The following FARP1 variants were observed in gnomAD, a reference collection of about 807,000 sequenced individuals.
FARP1 encodes FERM, ARH/RhoGEF and pleckstrin domain protein 1.
Under a neutral mutation model 128.8 loss-of-function variants are expected in FARP1, and 52 were observed. That is an observed-to-expected ratio of 0.40 (90% CI 0.32 to 0.51). The LOEUF is 0.51. FARP1 is among the 20% of genes least tolerant of loss of function. FARP1 has a pLI of 0.45. For synonymous variants in FARP1, 580 were observed against 551.8 expected (o/e 1.05, Z -0.72); for missense variants, 1,333 against 1,367.9 (o/e 0.97, Z 0.40).
At chr13:98,321,981 A>G (rs1887011060) in intron 2 of FARP1, among the ~76,000 whole-genome samples, 1 of 152,198 alleles carries the variant, frequency 6.6e-6, no homozygotes, top group African/African-American at 2.4e-5. Context: ...GAGGGTTAAA[A>G]TGGGTATTGT....
At chr13:98,323,131 G>A (rs948797150) in intron 2 of FARP1, among the ~76,000 whole-genome samples, 2 of 152,130 alleles carry the variant, frequency 1.3e-5, no homozygotes, top group African/African-American at 2.4e-5. Flanking sequence ...TTAATGATCC[G>A]TGGTGAAAGG....
At chr13:98,202,623 G>A (rs1459492667) in intron 1 of FARP1, among the ~76,000 whole-genome samples, 2 of 152,108 alleles carry the variant, frequency 1.3e-5, no homozygotes, top group East Asian at 3.9e-4. Context: ...TATGCTCTCA[G>A]TGGGGCAGGA....
intron 3 of FARP1, among the ~76,000 whole-genome samples, chr13:98,351,609 C>CT (rs1239452307): frequency 8.5e-6 from 1 of 117,614 alleles, no homozygotes. Flanking sequence ...AAGACTCCAT[C>CT]TAAAAAAAAA....
chr13:98,435,412 TC>T, intron 18 of FARP1, 163 bp from the exon 19 acceptor site: 1 of 641,138 alleles, frequency 1.6e-6, no homozygotes, highest in Non-Finnish European at 2.6e-6. Context: ...AAATACACCA[TC>T]AATTTTTATT....
intron 2 of FARP1, among the ~76,000 whole-genome samples, chr13:98,249,496 C>G (rs1369857013): frequency 1.3e-5 from 2 of 152,142 alleles, no homozygotes; most frequent in African/African-American, 2.4e-5. Flanking sequence ...AGGAATACAT[C>G]ATTAAAAAGA....
intron 2 of FARP1, chr13:98,234,342 C>T (rs1243494272): frequency 1.3e-5 from 2 of 152,208 alleles, no homozygotes; most frequent in Non-Finnish European, 2.9e-5. Flanking sequence ...AGTAAGTGGC[C>T]TGTTGGCTGA....
intron 21 of FARP1, 145 bp downstream of exon 21, chr13:98,439,341 A>G (rs1892426659): frequency 3.2e-6 from 2 of 627,888 alleles, no homozygotes; most frequent in Non-Finnish European, 5.7e-6. Flanking sequence ...ACATGGGCTC[A>G]AAGACCATCG....
At chr13:98,248,240 T>C (rs1018045298) in intron 2 of FARP1, among the ~76,000 whole-genome samples, 3 of 146,232 alleles carry the variant, frequency 2.1e-5, no homozygotes, top group East Asian at 2.1e-4. Context: ...ACCAGTTCTC[T>C]CTGAAATATT....
At chr13:98,371,053 C>T (rs1029783316) in intron 5 of FARP1, among the ~76,000 whole-genome samples, 8 of 152,022 alleles carry the variant, frequency 5.3e-5, no homozygotes, top group Admixed American at 1.3e-4. Context: ...CTGAGCTCTG[C>T]GTGCTGAAAT....
chr13:98,189,801 G>A (rs1879108789), intron 1 of FARP1, among the ~76,000 whole-genome samples: 1 of 152,154 alleles, frequency 6.6e-6, no homozygotes, highest in Non-Finnish European at 1.5e-5. Flanking sequence ...TATAGATGGT[G>A]TATTATCACA....
chr13:98,300,595 C>T (rs562400027), intron 2 of FARP1, among the ~76,000 whole-genome samples: 14 of 152,274 alleles, frequency 9.2e-5, no homozygotes, highest in African/African-American at 2.2e-4. Context: ...GCCCTCTTGC[C>T]GGTGGCTTCA....
chr13:98,401,415 A>ACACACACACACAGAC (rs71111952), intron 13 of FARP1: 4 of 130,862 alleles, frequency 3.1e-5, no homozygotes, highest in African/African-American at 1.1e-4. Flanking sequence ...ATAATGACAA[A>ACACACACACACAGAC]ACACACACAC....
At chr13:98,365,488 G>A (rs878887741) in intron 4 of FARP1, 51 bp downstream of exon 4, 3 of 1,327,346 alleles carry the variant, frequency 2.3e-6, no homozygotes, top group South Asian at 2.4e-5. Flanking sequence ...AAGCCAGACA[G>A]TTTCATGTCT....
intron 1 of FARP1, among the ~76,000 whole-genome samples, chr13:98,165,901 G>A (rs942813333): frequency 1.1e-4 from 16 of 151,716 alleles, no homozygotes; most frequent in Non-Finnish European, 1.5e-4. Context: ...TGTATTTTTA[G>A]TAGAGGTGGG....
At chr13:98,238,940 G>T (rs941713595) in intron 2 of FARP1, among the ~76,000 whole-genome samples, 1 of 152,150 alleles carries the variant, frequency 6.6e-6, no homozygotes, top group African/African-American at 2.4e-5. Flanking sequence ...TGTACTTGAG[G>T]TAGCAAAATA....
At chr13:98,367,734 A>C (rs1190722491) in intron 4 of FARP1, among the ~76,000 whole-genome samples, 1 of 152,208 alleles carries the variant, frequency 6.6e-6, no homozygotes, top group East Asian at 1.9e-4. Context: ...GTACCTTATA[A>C]ATAGTTAAAT....
intron 2 of FARP1, among the ~76,000 whole-genome samples, chr13:98,230,234 G>A (rs1417177218): frequency 6.6e-6 from 1 of 152,110 alleles, no homozygotes; most frequent in Non-Finnish European, 1.5e-5. Context: ...AAGAGGTTTT[G>A]GCATCTTTGA....
intron 2 of FARP1, among the ~76,000 whole-genome samples, chr13:98,326,087 TA>T (rs1182508517): frequency 1.9e-4 from 29 of 152,192 alleles, no homozygotes; most frequent in African/African-American, 7.0e-4. Flanking sequence ...AAATCAAACA[TA>T]AAGACACAAA....
At chr13:98,214,416 A>G (rs1036311986) in intron 2 of FARP1, among the ~76,000 whole-genome samples, 4 of 152,058 alleles carry the variant, frequency 2.6e-5, no homozygotes, top group Non-Finnish European at 4.4e-5. Context: ...GAGGAGGAAG[A>G]TAACTCTTGA....
Sources: allele counts gnomAD v4.1 joint callset (sites outside exome capture counted in the v4.1 genomes callset), GRCh38; gene constraint gnomAD v4.1.1; transcripts MANE v1.5; gene names NCBI Gene and HGNC (gene_info 2026-07-23, HGNC 2026-07-21).